The following PRRG4 variants were observed in gnomAD, a reference collection of about 807,000 sequenced individuals.
PRRG4 encodes the protein proline rich and Gla domain 4, also known as transmembrane gamma-carboxyglutamic acid protein 4.
PRRG4 carries 12 observed loss-of-function variants against 20.0 expected under a neutral mutation model. The ratio of observed to expected loss-of-function variants is 0.60; its 90% CI spans 0.38 to 0.97. The LOEUF (loss-of-function observed/expected upper bound fraction) is 0.97. Ranked by LOEUF, PRRG4 falls within the 50% of genes least tolerant of loss-of-function variation. The pLI is 0.00. For synonymous variants in PRRG4, 94 were observed against 96.4 expected, an observed-to-expected ratio of 0.98 and a Z score of 0.15; for missense variants, 199 against 265.1, an observed-to-expected ratio of 0.75 and a Z score of 1.73.
intron 2 of PRRG4, among the ~76,000 whole-genome samples, chr11:32,831,033 CTT>C (rs1476965308): frequency 6.6e-6 from 1 of 152,126 alleles, no homozygotes; most frequent in Non-Finnish European, 1.5e-5. Context: ...GGCGAGATAA[CTT>C]AATCCCGTTT....
At chr11:32,850,263 G>C (rs1406449011) in intron 5 of PRRG4, among the ~76,000 whole-genome samples, 1 of 152,036 alleles carries the variant, frequency 6.6e-6, no homozygotes. Flanking sequence ...CAACTTTTCT[G>C]CGTCACTATG....
At chr11:32,834,103 CA>C (rs1459541122) in intron 2 of PRRG4, among the ~76,000 whole-genome samples, 1 of 152,150 alleles carries the variant, frequency 6.6e-6, no homozygotes, top group Non-Finnish European at 1.5e-5. Flanking sequence ...GCTTGGGGAC[CA>C]GACAGAGAAG....
At position 32,854,196 on chromosome 11, in the gene PRRG4, A is replaced by G. The variant is rs773811859; in HGVS notation, c.*669A>G. The stretch of plus-strand genomic sequence containing the variant: ...TTAGTGAACTCTTTGGATCCTTTGT[A>G]CAGATAAAGGTTATAGATTTCTTGT... On this transcript the variant is annotated 3_prime_UTR_variant, in exon 6 of 6. Coordinates refer to ENST00000257836, the MANE Select transcript of PRRG4 (RefSeq NM_024081.6). 6.6e-6 allele frequency: 1 copy of G among 152,306 alleles called. No individual in the cohort carries two copies. The highest frequency in any genetic ancestry group is 1.5e-5 in the Non-Finnish European group (1 of 68,116). 9.4% of individuals were successfully genotyped at this position (152,306 alleles called of 1,614,324 possible).
At chr11:32,832,295 G>A (rs1179643546) in intron 2 of PRRG4, among the ~76,000 whole-genome samples, 3 of 152,242 alleles carry the variant, frequency 2.0e-5, no homozygotes, top group South Asian at 4.2e-4. Flanking sequence ...TTAAACAGAC[G>A]ATCTCCATCA....
intron 5 of PRRG4, among the ~76,000 whole-genome samples, chr11:32,843,455 A>G (rs997229375): frequency 2.4e-4 from 36 of 151,828 alleles, no homozygotes; most frequent in African/African-American, 8.7e-4. Flanking sequence ...TGCAAAAGCA[A>G]TTGCGGTTTT....
chr11:32,832,098 G>A (rs1278570142), intron 2 of PRRG4, among the ~76,000 whole-genome samples: 1 of 152,192 alleles, frequency 6.6e-6, no homozygotes, highest in African/African-American at 2.4e-5. Flanking sequence ...TGGAGGGCTG[G>A]AGATGTCTGT....
At chr11:32,830,423 A>G in intron 1 of PRRG4, 85 bp from the exon 2 acceptor site, 1 of 1,137,038 alleles carries the variant, frequency 8.8e-7, no homozygotes, top group South Asian at 2.0e-5. Context: ...TTTGAGTACA[A>G]CAGGTTGGTG....
chr11:32,842,365 T>A (rs916376820), intron 5 of PRRG4, among the ~76,000 whole-genome samples: 1 of 152,202 alleles, frequency 6.6e-6, no homozygotes, highest in African/African-American at 2.4e-5. Context: ...TTGCCAAAGA[T>A]GAGAACAAAT....
chr11:32,831,740 C>CTTAT (rs1850973318), intron 2 of PRRG4, among the ~76,000 whole-genome samples: 1 of 152,108 alleles, frequency 6.6e-6, no homozygotes, highest in African/African-American at 2.4e-5. Flanking sequence ...GAGACACTCT[C>CTTAT]GCCGGCACGG....
intron 5 of PRRG4, among the ~76,000 whole-genome samples, chr11:32,848,346 CATTGAGG>C (rs1851149238): frequency 6.6e-6 from 1 of 152,098 alleles, no homozygotes; most frequent in South Asian, 2.1e-4. Context: ...AATACTGTTG[CATTGAGG>C]ATTAAGTTTC....
intron 5 of PRRG4, among the ~76,000 whole-genome samples, chr11:32,851,884 T>C (rs1262175461): frequency 1.3e-5 from 2 of 152,338 alleles, no homozygotes; most frequent in East Asian, 1.9e-4. Flanking sequence ...CCATCCCCTA[T>C]GCATTTTAAT....
At chr11:32,831,780 G>A (rs1850973832) in intron 2 of PRRG4, among the ~76,000 whole-genome samples, 2 of 152,072 alleles carry the variant, frequency 1.3e-5, no homozygotes, top group Non-Finnish European at 2.9e-5. Flanking sequence ...TAGCACTTTG[G>A]GAGGCCGAGG....
intron 5 of PRRG4, among the ~76,000 whole-genome samples, chr11:32,844,172 G>T (rs1011302954): frequency 1.1e-4 from 16 of 152,082 alleles, no homozygotes; most frequent in African/African-American, 3.9e-4. Context: ...ACCCTGGTAC[G>T]CCACTAACTA....
At chr11:32,851,072 G>T (rs1020353507) in intron 5 of PRRG4, among the ~76,000 whole-genome samples, 1 of 151,286 alleles carries the variant, frequency 6.6e-6, no homozygotes, top group Non-Finnish European at 1.5e-5. Flanking sequence ...AAATTCAGTC[G>T]CAAAAATAAT....
chr11:32,841,542 T>C (rs1851078720), intron 5 of PRRG4, among the ~76,000 whole-genome samples: 1 of 152,224 alleles, frequency 6.6e-6, no homozygotes, highest in African/African-American at 2.4e-5. Flanking sequence ...CTCACACCTA[T>C]AATCCCAGCA....
rs1167796011 is a variant in PRRG4 at position 32,857,499 on chromosome 11, C to T, written c.*3972C>T. On this transcript the variant is annotated 3_prime_UTR_variant, in exon 6 of 6. Coordinates refer to ENST00000257836, the MANE Select transcript of PRRG4 (RefSeq NM_024081.6). ...CCTCTGAACAAATACATAGAGAAAA[C>T]TCTCAGAACAATTAAAACCTGCAGA... is the stretch of plus-strand genomic sequence containing the variant. 6.6e-6 allele frequency: 1 copy of T among 152,170 alleles called. No homozygotes were observed. The highest frequency in any genetic ancestry group is 1.5e-5 in the Non-Finnish European group (1 of 68,026). 9.4% of individuals were successfully genotyped at this position (152,170 alleles called of 1,614,324 possible).
At chr11:32,837,541 G>GATGATGATTATT (rs1303509427) in intron 3 of PRRG4, among the ~76,000 whole-genome samples, 104 of 95,852 alleles carry the variant, frequency 1.1e-3, no homozygotes, top group African/African-American at 3.4e-3. Context: ...TGATGATGAT[G>GATGATGATTATT]ATTATTATTA....
At chr11:32,846,738 G>T (rs1025279231) in intron 5 of PRRG4, among the ~76,000 whole-genome samples, 6 of 152,170 alleles carry the variant, frequency 3.9e-5, no homozygotes, top group African/African-American at 1.4e-4. Flanking sequence ...GGTGGCTCAT[G>T]CCTGTAATCC....
chr11:32,832,081 T>C (rs944148070), intron 2 of PRRG4, among the ~76,000 whole-genome samples: 12 of 152,236 alleles, frequency 7.9e-5, no homozygotes, highest in Admixed American at 5.2e-4. Flanking sequence ...GAGATCATAC[T>C]TGAGTGTGGA....
Sources: gnomAD v4.1 joint callset for allele counts (sites outside exome capture counted in the v4.1 genomes callset) on GRCh38, gnomAD v4.1.1 for gene constraint, MANE v1.5 for transcripts, NCBI Gene and HGNC (gene_info 2026-07-23, HGNC 2026-07-21) for gene names.